Variants in SND1 observed in about 807,000 individuals in gnomAD.
SND1 encodes staphylococcal nuclease and tudor domain containing 1, also known as staphylococcal nuclease domain-containing protein 1.
Under a neutral mutation model 121.7 loss-of-function variants are expected in SND1, and 38 were observed. The ratio of observed to expected loss-of-function variants is 0.31; its 90% confidence interval spans 0.24 to 0.41. The LOEUF is 0.41. Among genes scored for constraint, SND1 ranks in the 10% least tolerant of loss-of-function variants. The probability of loss-of-function intolerance (pLI) is 1.00; values close to 1 mark genes in which losing one functional copy is unlikely to be tolerated. For missense variants in SND1, 868 were observed against 1,184.6 expected (o/e 0.73, Z 3.92); for synonymous variants, 401 against 447.4 (o/e 0.90, Z 1.31).
chr7:127,748,370 T>C (rs1209967409), intron 10 of SND1, among the ~76,000 whole-genome samples: 1 of 152,264 alleles, frequency 6.6e-6, no homozygotes, highest in Non-Finnish European at 1.5e-5. Flanking sequence ...CTTTGGGTTC[T>C]GGATCGGAAT....
At chr7:128,040,826 T>C (rs1290100643) in intron 16 of SND1, among the ~76,000 whole-genome samples, 1 of 152,270 alleles carries the variant, frequency 6.6e-6, no homozygotes, top group African/African-American at 2.4e-5. Context: ...ACCAGCTTTC[T>C]TGATCTGTTG....
At chr7:127,717,444 G>A (rs926662226) in intron 9 of SND1, among the ~76,000 whole-genome samples, 8 of 152,080 alleles carry the variant, frequency 5.3e-5, no homozygotes, top group African/African-American at 1.9e-4. Flanking sequence ...GTTGTCTGAT[G>A]CCTGATTTCC....
At chr7:127,817,018 G>A (rs1035791415) in intron 11 of SND1, among the ~76,000 whole-genome samples, 1 of 152,106 alleles carries the variant, frequency 6.6e-6, no homozygotes, top group African/African-American at 2.4e-5. Flanking sequence ...CTGTGCCAAG[G>A]CATTGGGGAT....
intron 10 of SND1, among the ~76,000 whole-genome samples, chr7:127,727,723 A>G (rs1796606452): frequency 6.6e-6 from 1 of 152,204 alleles, no homozygotes; most frequent in Non-Finnish European, 1.5e-5. Context: ...CAATGTGATC[A>G]AAAGATGTGG....
At chr7:127,752,974 G>A (rs1386353765) in intron 10 of SND1, among the ~76,000 whole-genome samples, 1 of 152,170 alleles carries the variant, frequency 6.6e-6, no homozygotes, top group Admixed American at 6.5e-5. Flanking sequence ...AGGAATATCT[G>A]CTTGAAGACA....
intron 15 of SND1, among the ~76,000 whole-genome samples, chr7:127,937,263 T>A (rs546711565): frequency 6.6e-6 from 1 of 152,260 alleles, no homozygotes; most frequent in African/African-American, 2.4e-5. Context: ...ATGGAACTCA[T>A]AGTACAAACC....
At chr7:127,832,926 A>G (rs1269115864) in intron 11 of SND1, among the ~76,000 whole-genome samples, 1 of 152,154 alleles carries the variant, frequency 6.6e-6, no homozygotes, top group Non-Finnish European at 1.5e-5. Flanking sequence ...CATGCTCTTT[A>G]TGAGAATCTA....
rs200577093 is a variant in SND1, at chr7:127,853,152, G to A, written c.1343+8728G>A. Among the ~76,000 whole-genome samples, 8 of 152,226 alleles carry A rather than the reference G, an allele frequency of 5.3e-5. No homozygotes were observed. The South Asian group carries it at 1.2e-3, about 24-fold the overall frequency. The stretch of plus-strand genomic sequence containing the variant: ...AATTATAGACCCCACTGAAATTGTC[G>A]AGGGAAAGAGGCTCTCTGGTAGAGA... On this transcript the variant is annotated intron_variant, in intron 12 of 23. Transcript: ENST00000354725.
At position 127,680,379 on chromosome 7, in the gene SND1, G is replaced by A. The variant is rs192406080; in HGVS notation, c.79-6234G>A. ...AAATTTATTAGGTGGGAATTTCCTC[G>A]TCCTAATAAGCCTGGGAGCGCTATG... On this transcript the variant is annotated intron_variant, in intron 1 of 23. Coordinates refer to ENST00000354725, the MANE Select transcript of SND1 (RefSeq NM_014390.4). Among the ~76,000 whole-genome samples, 26 of 152,166 alleles carry A rather than the reference G, an allele frequency of 1.7e-4. No homozygotes were observed. In the East Asian group the frequency reaches 1.7e-3, roughly 10 times the overall value.
intron 10 of SND1, among the ~76,000 whole-genome samples, chr7:127,756,946 A>G (rs547735313): frequency 2.0e-5 from 3 of 152,324 alleles, no homozygotes; most frequent in African/African-American, 7.2e-5. Flanking sequence ...ATTGAGGTCA[A>G]TATCCAGTCA....
chr7:127,654,103 A>G (rs936526065), intron 1 of SND1, among the ~76,000 whole-genome samples: 2 of 152,168 alleles, frequency 1.3e-5, no homozygotes, highest in African/African-American at 2.4e-5. Context: ...GGTCTCTCTC[A>G]TTTGTGGAAT....
At chr7:128,030,586 G>T (rs375835397) in intron 16 of SND1, 1 of 1,601,100 alleles carries the variant, frequency 6.2e-7, no homozygotes, top group Non-Finnish European at 8.5e-7. Flanking sequence ...ACGAACGGGA[G>T]CAGGATGGCA....
At chr7:128,023,222 C>A (rs1339787522) in intron 16 of SND1, among the ~76,000 whole-genome samples, 1 of 152,206 alleles carries the variant, frequency 6.6e-6, no homozygotes, top group African/African-American at 2.4e-5. Context: ...CCTTTCTTTT[C>A]TCCTAGCTCT....
chr7:127,676,651 T>C (rs1160052569), intron 1 of SND1, among the ~76,000 whole-genome samples: 3 of 152,238 alleles, frequency 2.0e-5, no homozygotes, highest in South Asian at 2.1e-4. Flanking sequence ...GTATCTTAAC[T>C]GATAAATCAA....
At chr7:127,700,095 C>T (rs1796075923) in intron 4 of SND1, among the ~76,000 whole-genome samples, 1 of 152,110 alleles carries the variant, frequency 6.6e-6, no homozygotes, top group African/African-American at 2.4e-5. Flanking sequence ...GCTTGATTAC[C>T]ATTTCAGTAT....
At chr7:127,915,012 G>A (rs1291889957) in intron 14 of SND1, among the ~76,000 whole-genome samples, 5 of 152,028 alleles carry the variant, frequency 3.3e-5, no homozygotes, top group Admixed American at 2.0e-4. Context: ...TGGTTCACAT[G>A]CCGGTGTTCA....
chr7:127,678,064 C>G (rs1795645549), intron 1 of SND1, among the ~76,000 whole-genome samples: 1 of 152,162 alleles, frequency 6.6e-6, no homozygotes, highest in Non-Finnish European at 1.5e-5. Context: ...TCTACTGGCA[C>G]ATATAAACAG....
intron 11 of SND1, among the ~76,000 whole-genome samples, chr7:127,827,632 T>G (rs1457307452): frequency 6.6e-6 from 1 of 152,360 alleles, no homozygotes; most frequent in East Asian, 1.9e-4. Context: ...ATTTATTCTA[T>G]TCTTATGTTT....
chr7:127,726,224 T>C (rs1302365652), intron 10 of SND1, among the ~76,000 whole-genome samples: 2 of 152,186 alleles, frequency 1.3e-5, no homozygotes, highest in African/African-American at 4.8e-5. Flanking sequence ...GGATTTTGGT[T>C]GGAGCTTGGT....
Sources: allele counts gnomAD v4.1 joint callset (sites outside exome capture counted in the v4.1 genomes callset), GRCh38; gene constraint gnomAD v4.1.1; transcripts MANE v1.5; gene names NCBI Gene and HGNC (gene_info 2026-07-23, HGNC 2026-07-21).